The following TERT variants were observed in gnomAD, a reference collection of about 807,000 sequenced individuals.
The protein encoded by TERT is telomerase catalytic subunit.
TERT carries 42 observed loss-of-function variants against 104.0 expected under a neutral mutation model. The observed-to-expected ratio is 0.40, with a 90% CI of 0.32 to 0.52. TERT has a LOEUF of 0.52. Among genes scored for constraint, TERT ranks in the 20% least tolerant of loss-of-function variants. The pLI is 0.43. For missense variants in TERT, 1,101 were observed against 1,610.3 expected (o/e 0.68, Z 5.41); for synonymous variants, 781 against 725.6 (o/e 1.08, Z -1.23).
chr5:1,270,578 G>T lies in TERT; in HGVS notation c.2468+541C>A, dbSNP rs925704077. Among the ~76,000 whole-genome samples the T allele has an allele frequency of 4.6e-5, 7 of 152,200 alleles. No individual in the cohort carries two copies. The highest frequency in any genetic ancestry group is 2.6e-4 in the Admixed American group (4 of 15,282). ...GCTCTCCCAGGCCGCCTGCCCCATG[G>T]CCACCACAGGCCCCCCGAGAGGAGC... On this transcript the variant is annotated intron_variant, in intron 8 of 15. Coordinates refer to ENST00000310581, the MANE Select transcript of TERT (RefSeq NM_198253.3). This position sits in a 1 kb window ranked among gnomAD's most constrained non-coding sequence, Gnocchi z 8.3.
chr5:1,291,559 A>G (rs867151036), intron 2 of TERT, among the ~76,000 whole-genome samples: 41 of 70,834 alleles, frequency 5.8e-4, no homozygotes, highest in East Asian at 1.3e-3. Context: ...ACACCCGGGG[A>G]CCGCGCCTCA....
intron 10 of TERT, among the ~76,000 whole-genome samples, chr5:1,266,016 G>A (rs1230232478): frequency 6.6e-6 from 1 of 152,206 alleles, no homozygotes; most frequent in Non-Finnish European, 1.5e-5. Flanking sequence ...ACGCAGGAAC[G>A]TGACCGCAGC....
rs962151166 is a variant in TERT at position 1,274,432 on chromosome 5, C to T, written c.2287-2152G>A. Reference sequence around the variant, plus strand: ...CTGAAGCAGGTCTTTAGCACAGGGTCCCCAACCATTGTGGTACCAGGGACT... The same window carrying T: ...CTGAAGCAGGTCTTTAGCACAGGGTTCCCAACCATTGTGGTACCAGGGACT... On this transcript the variant is annotated intron_variant, in intron 6 of 15. Transcript: ENST00000310581. The surrounding 1 kb of genome is among the most constrained non-coding windows in gnomAD (Gnocchi z 5.3). Among the ~76,000 whole-genome samples the T allele has an allele frequency of 1.3e-5, 2 of 152,254 alleles. No homozygotes were observed. The highest frequency in any genetic ancestry group is 4.1e-4 in the South Asian group (2 of 4,832).
rs956799359 is a variant in TERT at position 1,270,113 on chromosome 5, C to T, written c.2468+1006G>A. Among the ~76,000 whole-genome samples, 4 of 152,168 alleles carry T rather than the reference C, an allele frequency of 2.6e-5. No homozygotes were observed. Among genetic ancestry groups the T allele is most frequent in the South Asian group, 2.1e-4 (1 of 4,826 alleles). On this transcript the variant is annotated intron_variant, in intron 8 of 15. Coordinates refer to ENST00000310581, the MANE Select transcript of TERT (RefSeq NM_198253.3). This position sits in a 1 kb window ranked among gnomAD's most constrained non-coding sequence, Gnocchi z 8.3. ...GGGGCCGCTTACACACATGTGCACA[C>T]GTGTCCCTCGGCCAAAATTCACTCT...
chr5:1,280,503 C>T lies in TERT; in HGVS notation c.1770-165G>A, dbSNP rs1018920944. ...GCCACGTCCACCCATGCCAGCCAGA[C>T]GCCTCTGAGAGCCCCTCTACTTGCA... On this transcript the variant is annotated intron_variant, in intron 3 of 15. Transcript: ENST00000310581. Among the ~76,000 whole-genome samples, 29 of 152,200 alleles carry T rather than the reference C, an allele frequency of 1.9e-4. 1 individual carries two copies. Among genetic ancestry groups the T allele is most frequent in the Admixed American group, 3.3e-4 (5 of 15,290 alleles).
chr5:1,289,230 C>T (rs1233467577), intron 2 of TERT, among the ~76,000 whole-genome samples: 10 of 145,606 alleles, frequency 6.9e-5, no homozygotes, highest in African/African-American at 2.6e-4. Context: ...TCACCCTACA[C>T]GTGACAGGGA....
intron 5 of TERT, 130 bp downstream of exon 5, chr5:1,279,160 CA>C: frequency 1.8e-6 from 2 of 1,090,504 alleles, no homozygotes; most frequent in Non-Finnish European, 2.6e-6. Context: ...GGTGTGTCCT[CA>C]ACAGTGACAG....
At chr5:1,289,789 C>A (rs1251824881) in intron 2 of TERT, among the ~76,000 whole-genome samples, 1 of 106,546 alleles carries the variant, frequency 9.4e-6, no homozygotes, top group Non-Finnish European at 1.8e-5. Context: ...GACAGGGACA[C>A]CCGGGGACCG....
rs1469837340 is a variant in TERT, at chr5:1,272,166, T to C, written c.2382+19A>G. On this transcript the variant is annotated intron_variant, in intron 7 of 15. Transcript: ENST00000310581. ...ACTGCTGGGAGTCCGTGCCCAACCC[T>C]GCAGGGCAGTGCCCAGACCTGCTCG... The C allele has an allele frequency of 2.5e-6, 4 of 1,590,132 alleles. No homozygotes were observed. In the African/African-American group the frequency reaches 5.4e-5, roughly 21 times the overall value.
intron 4 of TERT, among the ~76,000 whole-genome samples, chr5:1,279,849 G>T (rs10054203): frequency 1.3e-5 from 2 of 152,118 alleles, no homozygotes; most frequent in Non-Finnish European, 2.9e-5. Flanking sequence ...GCGCACGGAG[G>T]CTGCGCACCA....
chr5:1,253,641 G>A lies in TERT; in HGVS notation c.*87C>T. ...CTCCCAGCGGTGCGGGCCTGGGTGT[G>A]GGCCGCCCCTCCCTCCCTGGGACGT... On this transcript the variant is annotated 3_prime_UTR_variant, in exon 16 of 16. Coordinates refer to ENST00000310581, the MANE Select transcript of TERT (RefSeq NM_198253.3). 1.7e-6 allele frequency: 2 copies of A among 1,182,528 alleles called. No homozygotes were observed. The highest frequency in any genetic ancestry group is 1.3e-5 in the South Asian group (1 of 77,598). The allele number at this position is 1,182,528 out of a possible 1,614,324, so 73.3% of individuals were successfully genotyped here.
chr5:1,273,123 CAT>C (rs1749230382), intron 6 of TERT, among the ~76,000 whole-genome samples: 1 of 44,778 alleles, frequency 2.2e-5, no homozygotes. Flanking sequence ...AGTCACCACA[CAT>C]CAGACCCCAC....
rs958934080 is a variant in TERT at position 1,263,003 on chromosome 5, G to C, written c.2843+1401C>G. On this transcript the variant is annotated intron_variant, in intron 11 of 15. Coordinates refer to ENST00000310581, the MANE Select transcript of TERT (RefSeq NM_198253.3). The surrounding 1 kb of genome is among the most constrained non-coding windows in gnomAD (Gnocchi z 5.3). ...GAGAGGGAAGCAGGGACTGTGGGGA[G>C]CACAGGAGACCGGCATCCTTGTGGG... Among the ~76,000 whole-genome samples the C allele has an allele frequency of 9.2e-5, 14 of 152,208 alleles. No homozygotes were observed. The highest frequency in any genetic ancestry group is 8.5e-4 in the Admixed American group (13 of 15,282).
At position 1,264,476 on chromosome 5, in the gene TERT, G is replaced by T; in HGVS notation, c.2771C>A (p.Ala924Asp). ...GCCGCACCAGGGGAATAGGCCGTGG[G>T]CCGGCATCTGAACAAAAGCCGTGCC... ...LGGTAFVQMP[A>D]HGLFPWCGLL... The change falls in exon 11 of 16, where the codon GCC becomes GAC. Residue 924 changes from alanine (A) to aspartate (D), a missense_variant. Ala to Asp is a moderately radical substitution (Grantham distance 126, BLOSUM62 -2). Around this residue, in one of 5 missense-constraint regions of TERT, gnomAD observed 463 missense variants for 797.5 expected, o/e 0.58. Transcript: ENST00000310581. 1 of 1,613,908 alleles carries T rather than the reference G, an allele frequency of 6.2e-7. No individual in the cohort carries two copies. The highest frequency in any genetic ancestry group is 8.5e-7 in the Non-Finnish European group (1 of 1,180,044).
rs1427504327 is a variant in TERT, at chr5:1,262,722, C to T, written c.2843+1682G>A. Among the ~76,000 whole-genome samples the T allele has an allele frequency of 3.3e-5, 5 of 152,214 alleles. No individual in the cohort carries two copies. The highest frequency in any genetic ancestry group is 1.9e-4 in the East Asian group (1 of 5,206). On this transcript the variant is annotated intron_variant, in intron 11 of 15. Coordinates refer to ENST00000310581, the MANE Select transcript of TERT (RefSeq NM_198253.3). This position sits in a 1 kb window ranked among gnomAD's most constrained non-coding sequence, Gnocchi z 5.6. ...GCTTTGCAATGTGTTTAGAGAGAAC[C>T]CATTTTCCTGATTTGTTTGTCTGTC... is the stretch of plus-strand genomic sequence containing the variant.
intron 15 of TERT, 89 bp downstream of exon 15, chr5:1,254,279 G>C: frequency 1.3e-6 from 2 of 1,583,626 alleles, no homozygotes; most frequent in South Asian, 2.2e-5. Flanking sequence ...CTGCACTTCA[G>C]CAGCATCTGA....
chr5:1,272,012 A>G (rs1376096080), intron 7 of TERT, among the ~76,000 whole-genome samples, 173 bp downstream of exon 7: 2 of 152,256 alleles, frequency 1.3e-5, no homozygotes, highest in African/African-American at 4.8e-5. Context: ...GCAGCCTGGC[A>G]TGGCCCAGCT....
chr5:1,290,582 G>T (rs1327477853), intron 2 of TERT, among the ~76,000 whole-genome samples: 9 of 68,112 alleles, frequency 1.3e-4, no homozygotes, highest in Admixed American at 4.6e-4. Context: ...CACGTGACAG[G>T]GACACCCGGG....
rs890272771 is a variant in TERT, at chr5:1,294,092, G to C, written c.794C>G (p.Pro265Arg). ...CACCACACAGAAACCACGGTCACTC[G>C]GTCCACGCGTCCTGCCCGGGTGGGC... Reference protein sequence around the residue: ...SWAHPGRTRGPSDRGFCVVSP... With the variant: ...SWAHPGRTRGRSDRGFCVVSP... Residue 265 changes from proline (P) to arginine (R), a missense_variant, in exon 2 of 16, where the codon CCG becomes CGG. Transcript: ENST00000310581. 6.3e-7 allele frequency: 1 copy of C among 1,589,524 alleles called. No individual in the cohort carries two copies. The highest frequency in any genetic ancestry group is 1.7e-5 in the Admixed American group (1 of 57,800).
Sources: allele counts gnomAD v4.1 joint callset (sites outside exome capture counted in the v4.1 genomes callset), GRCh38; gene constraint gnomAD v4.1.1; regional missense constraint gnomAD v4.1.1; non-coding constraint Gnocchi (gnomAD v3.1); transcripts MANE v1.5; gene names NCBI Gene and HGNC (gene_info 2026-07-23, HGNC 2026-07-21).